The following DKK2 variants were observed in gnomAD, a reference collection of about 807,000 sequenced individuals.
The protein encoded by DKK2 is dickkopf Wnt signaling pathway inhibitor 2.
A neutral mutation model predicts 28.1 loss-of-function variants in DKK2; 11 were observed. That is an observed-to-expected ratio of 0.39 (90% CI 0.25 to 0.65). DKK2 has a LOEUF of 0.65. DKK2 is among the 30% of genes least tolerant of loss of function. DKK2 has a pLI of 0.47. For missense variants in DKK2, 326 were observed against 335.5 expected, an observed-to-expected ratio of 0.97 and a Z score of 0.22; for synonymous variants, 135 against 126.5, an observed-to-expected ratio of 1.07 and a Z score of -0.45.
chr4:106,962,814 G>A (rs1722711861), intron 1 of DKK2, among the ~76,000 whole-genome samples: 1 of 151,880 alleles, frequency 6.6e-6, no homozygotes, highest in South Asian at 2.1e-4. Context: ...ACAAAGTGAA[G>A]AGATAACACG....
chr4:106,958,763 G>A (rs543953927), intron 1 of DKK2, among the ~76,000 whole-genome samples: 4 of 148,040 alleles, frequency 2.7e-5, no homozygotes, highest in South Asian at 4.2e-4. Context: ...CCTGAACCCC[G>A]AAGACAGAGG....
In DKK2 at chr4:106,964,968, G is replaced by GATAGAT. The variant is rs1410404590; in HGVS notation, c.223-39025_223-39020dup. Among the ~76,000 whole-genome samples, 958 of 137,810 alleles carry GATAGAT rather than the reference G, an allele frequency of 7.0e-3. 5 individuals carry two copies. The highest frequency in any genetic ancestry group is 0.011 in the Non-Finnish European group (677 of 61,852). The allele number at this position is 137,810 out of a possible 152,430, so 90.4% of individuals were successfully genotyped here. On this transcript the variant is annotated intron_variant, in intron 1 of 3. Transcript: ENST00000285311. ...AGATATAGATAGATAGATATAGATA[G>GATAGAT]ATAGATAGATAGATAGATAGATAGA...
At chr4:107,020,266 A>T (rs1238303907) in intron 1 of DKK2, among the ~76,000 whole-genome samples, 1 of 152,074 alleles carries the variant, frequency 6.6e-6, no homozygotes, top group Non-Finnish European at 1.5e-5. Context: ...GAGAATTTTT[A>T]AAAAGACCAA....
intron 1 of DKK2, among the ~76,000 whole-genome samples, chr4:106,959,825 T>A (rs531416463): frequency 6.6e-6 from 1 of 152,052 alleles, no homozygotes; most frequent in Non-Finnish European, 1.5e-5. Flanking sequence ...AAATACTCAA[T>A]TAAGCTTATA....
chr4:107,016,755 G>A (rs1477445055), intron 1 of DKK2, among the ~76,000 whole-genome samples: 1 of 151,806 alleles, frequency 6.6e-6, no homozygotes, highest in Non-Finnish European at 1.5e-5. Flanking sequence ...TGAATCCAAG[G>A]CTTTTGGTTG....
rs147830504 is a variant in DKK2, at chr4:106,986,680, A to G, written c.222+48690T>C. Among the ~76,000 whole-genome samples the G allele has an allele frequency of 2.8e-3, 421 of 152,292 alleles. 3 individuals are homozygous for G. Among genetic ancestry groups the G allele is most frequent in the African/African-American group, 9.6e-3 (398 of 41,572 alleles). On this transcript the variant is annotated intron_variant, in intron 1 of 3. Transcript: ENST00000285311. The stretch of plus-strand genomic sequence containing the variant: ...ATCACACACACACACACCATCATCA[A>G]TGAACTCATGTCAGAAGAGCCTACA...
chr4:106,979,802 T>C (rs765632967), intron 1 of DKK2, among the ~76,000 whole-genome samples: 2 of 152,248 alleles, frequency 1.3e-5, no homozygotes, highest in Non-Finnish European at 2.9e-5. Flanking sequence ...CAGGCACAGA[T>C]GCAGTTTCTG....
chr4:107,000,621 A>T (rs1416209340), intron 1 of DKK2, among the ~76,000 whole-genome samples: 1 of 152,134 alleles, frequency 6.6e-6, no homozygotes, highest in African/African-American at 2.4e-5. Context: ...AATTGAAGGG[A>T]CCCTGTTCCA....
chr4:106,946,962 A>G (rs950294375), intron 1 of DKK2, among the ~76,000 whole-genome samples: 2 of 152,138 alleles, frequency 1.3e-5, no homozygotes, highest in East Asian at 3.9e-4. Flanking sequence ...CTACTAATGT[A>G]GGCATTTTAG....
chr4:106,967,518 G>A (rs1160773716), intron 1 of DKK2, among the ~76,000 whole-genome samples: 1 of 152,116 alleles, frequency 6.6e-6, no homozygotes, highest in Non-Finnish European at 1.5e-5. Flanking sequence ...TAGGGATGGT[G>A]TGAGATGAGG....
At chr4:106,957,725 G>A (rs1423308918) in intron 1 of DKK2, among the ~76,000 whole-genome samples, 1 of 132,948 alleles carries the variant, frequency 7.5e-6, no homozygotes, top group African/African-American at 2.8e-5. Context: ...GACACAGGAA[G>A]GGGAACATCA....
chr4:106,938,729 C>T (rs1336446632), intron 1 of DKK2, among the ~76,000 whole-genome samples: 2 of 151,964 alleles, frequency 1.3e-5, no homozygotes, highest in Admixed American at 1.3e-4. Context: ...ACTGGCAAAA[C>T]GAATCCAGCA....
chr4:107,007,997 G>A (rs575252908), intron 1 of DKK2, among the ~76,000 whole-genome samples: 2 of 152,174 alleles, frequency 1.3e-5, no homozygotes, highest in South Asian at 2.1e-4. Flanking sequence ...CCTCCTGACC[G>A]TTTCTTCCTG....
At chr4:106,997,477 T>A (rs1227505758) in intron 1 of DKK2, among the ~76,000 whole-genome samples, 3 of 151,918 alleles carry the variant, frequency 2.0e-5, no homozygotes, top group Non-Finnish European at 4.4e-5. Context: ...TAGATTCAAC[T>A]CCTCTCAAAA....
chr4:106,974,706 C>T (rs1351168735), intron 1 of DKK2, among the ~76,000 whole-genome samples: 1 of 152,184 alleles, frequency 6.6e-6, no homozygotes, highest in Non-Finnish European at 1.5e-5. Context: ...ATTTGACTTC[C>T]TCTCTTCCTA....
chr4:106,993,773 G>T (rs1374019058), intron 1 of DKK2, among the ~76,000 whole-genome samples: 1 of 152,150 alleles, frequency 6.6e-6, no homozygotes, highest in Admixed American at 6.5e-5. Flanking sequence ...TATGAATGTT[G>T]TGAATAATAC....
chr4:107,022,744 G>A (rs1275128053), intron 1 of DKK2, among the ~76,000 whole-genome samples: 1 of 151,996 alleles, frequency 6.6e-6, no homozygotes, highest in Non-Finnish European at 1.5e-5. Flanking sequence ...AAATAACAAT[G>A]GACTGGATCA....
intron 1 of DKK2, among the ~76,000 whole-genome samples, chr4:106,955,780 T>TA (rs374860850): frequency 1.4e-5 from 2 of 144,488 alleles, no homozygotes; most frequent in South Asian, 2.1e-4. Context: ...AGAATACTGA[T>TA]AAAAAAAAGA....
rs146923537 is a variant in DKK2 at position 107,003,562 on chromosome 4, C to T, written c.222+31808G>A. On this transcript the variant is annotated intron_variant, in intron 1 of 3. Transcript: ENST00000285311. ...CCAAAGATCAGTAGCACTGCCCTAACATTTTCCTTTGGAGAGATTCTGACT... is the reference window on the plus strand; with the variant it reads ...CCAAAGATCAGTAGCACTGCCCTAATATTTTCCTTTGGAGAGATTCTGACT... Among the ~76,000 whole-genome samples, 1,448 of 152,344 alleles carry T rather than the reference C, an allele frequency of 9.5e-3. 84 individuals are homozygous for T. The highest frequency in any genetic ancestry group is 0.089 in the Admixed American group (1,366 of 15,298).
Sources: allele counts gnomAD v4.1 joint callset (sites outside exome capture counted in the v4.1 genomes callset), GRCh38; gene constraint gnomAD v4.1.1; transcripts MANE v1.5; gene names NCBI Gene and HGNC (gene_info 2026-07-23, HGNC 2026-07-21).